PTPRT: variants seen among roughly 807,000 people sequenced by gnomAD.
The protein encoded by PTPRT is receptor-type tyrosine-protein phosphatase T.
Under a neutral mutation model 176.8 loss-of-function variants are expected in PTPRT, and 56 were observed. The observed-to-expected ratio is 0.32, with a 90% CI of 0.26 to 0.40. PTPRT has a LOEUF of 0.40. Ranked by LOEUF, PTPRT falls within the 10% of genes least tolerant of loss-of-function variation. The probability of loss-of-function intolerance (pLI) is 1.00; values close to 1 mark genes in which losing one functional copy is unlikely to be tolerated. For missense variants in PTPRT, 1,540 were observed against 1,908.2 expected (o/e 0.81, Z 3.60); for synonymous variants, 783 against 739.0 (o/e 1.06, Z -0.96).
intron 2 of PTPRT, among the ~76,000 whole-genome samples, chr20:42,857,007 A>C (rs1490859209): frequency 6.6e-6 from 1 of 152,210 alleles, no homozygotes; most frequent in African/African-American, 2.4e-5. Context: ...CTGGGGCTAC[A>C]TGCCCAACAA....
At chr20:43,107,228 G>T (rs1431980908) in intron 1 of PTPRT, among the ~76,000 whole-genome samples, 1 of 152,196 alleles carries the variant, frequency 6.6e-6, no homozygotes, top group East Asian at 1.9e-4. Context: ...AAATAAGGAA[G>T]AAAATAGTCT....
intron 6 of PTPRT, among the ~76,000 whole-genome samples, chr20:42,711,466 C>G (rs2076143705): frequency 6.6e-6 from 1 of 152,104 alleles, no homozygotes; most frequent in South Asian, 2.1e-4. Context: ...ACCTCCACCT[C>G]TCTCTTGCTC....
chr20:42,452,824 C>G (rs370724061), intron 8 of PTPRT, among the ~76,000 whole-genome samples: 1 of 152,068 alleles, frequency 6.6e-6, no homozygotes, highest in African/African-American at 2.4e-5. Context: ...CCATCTTTTT[C>G]TTTTTACACC....
chr20:42,514,711 A>G (rs1250034218), intron 7 of PTPRT, among the ~76,000 whole-genome samples: 1 of 152,262 alleles, frequency 6.6e-6, no homozygotes, highest in Non-Finnish European at 1.5e-5. Flanking sequence ...TTTACCTTTT[A>G]TAAATAAGAC....
At chr20:43,126,709 G>C (rs774796229) in intron 1 of PTPRT, among the ~76,000 whole-genome samples, 6 of 152,134 alleles carry the variant, frequency 3.9e-5, no homozygotes, top group Non-Finnish European at 7.4e-5. Flanking sequence ...TTGTTCTCTT[G>C]AGAATGACAC....
At chr20:42,921,238 A>G (rs1254800327) in intron 1 of PTPRT, among the ~76,000 whole-genome samples, 1 of 152,226 alleles carries the variant, frequency 6.6e-6, no homozygotes, top group Admixed American at 6.5e-5. Context: ...AATTTCTGAA[A>G]TATATGAGTG....
rs117790766 is a variant in PTPRT, at chr20:42,677,455, C to T, written c.1153+411G>A. Among the ~76,000 whole-genome samples, 1,257 of 152,096 alleles carry T rather than the reference C, an allele frequency of 8.3e-3. 12 individuals are homozygous for T. The highest frequency in any genetic ancestry group is 0.015 in the Non-Finnish European group (1,027 of 67,974). ...AGAGCCAGGAACCCTCAGAGAAACA[C>T]GGCCAGGGCCCCCAGAGACAAAACC... On this transcript the variant is annotated intron_variant, in intron 7 of 30. Coordinates refer to ENST00000373187, the MANE Select transcript of PTPRT (RefSeq NM_007050.6).
chr20:42,150,890 C>G (rs1422615258), intron 17 of PTPRT, among the ~76,000 whole-genome samples: 1 of 152,120 alleles, frequency 6.6e-6, no homozygotes, highest in African/African-American at 2.4e-5. Context: ...TCTCCCAAAA[C>G]TAATTTTATA....
At chr20:43,056,457 A>G (rs912963911) in intron 1 of PTPRT, among the ~76,000 whole-genome samples, 36 of 152,230 alleles carry the variant, frequency 2.4e-4, no homozygotes, top group African/African-American at 8.7e-4. Flanking sequence ...ATGGCTGGGT[A>G]CAGGGAAGTT....
At chr20:43,090,519 T>C (rs140424155) in intron 1 of PTPRT, among the ~76,000 whole-genome samples, 4,541 of 152,134 alleles carry the variant, frequency 0.03, 217 homozygotes, top group African/African-American at 0.1. Flanking sequence ...CCACCCGCCT[T>C]GGCCTCCCAA....
rs184129384 is a variant in PTPRT at position 42,829,330 on chromosome 20, T to G, written c.215-37864A>C. The stretch of plus-strand genomic sequence containing the variant: ...GAAGTAACTAATTTACTTTTGATTT[T>G]ACAGGCTCATAGGTGGAAGGGACTC... On this transcript the variant is annotated intron_variant, in intron 2 of 30. Coordinates refer to ENST00000373187, the MANE Select transcript of PTPRT (RefSeq NM_007050.6). Among the ~76,000 whole-genome samples the G allele has an allele frequency of 7.9e-5, 12 of 152,344 alleles. No individual in the cohort carries two copies. In the East Asian group the frequency reaches 2.1e-3, roughly 27 times the overall value.
chr20:42,268,961 CCCCAGGAGGTCATGCA>C (rs2056885044), intron 13 of PTPRT, among the ~76,000 whole-genome samples: 2 of 152,172 alleles, frequency 1.3e-5, no homozygotes, highest in South Asian at 4.1e-4. Flanking sequence ...GGAACCACTT[CCCCAGGAGGTCATGCA>C]TTCCCATGGC....
At chr20:42,477,089 C>T (rs2071303223) in intron 7 of PTPRT, among the ~76,000 whole-genome samples, 1 of 152,212 alleles carries the variant, frequency 6.6e-6, no homozygotes, top group African/African-American at 2.4e-5. Context: ...GTCCACTTCC[C>T]CCAGACATCC....
At chr20:42,735,679 C>T (rs529237339) in intron 6 of PTPRT, among the ~76,000 whole-genome samples, 26 of 152,164 alleles carry the variant, frequency 1.7e-4, no homozygotes, top group African/African-American at 6.3e-4. Context: ...CAGAAGTCTC[C>T]CAAGAATCGC....
chr20:42,345,896 G>T (rs1009244848), intron 11 of PTPRT, among the ~76,000 whole-genome samples: 1 of 152,128 alleles, frequency 6.6e-6, no homozygotes, highest in Non-Finnish European at 1.5e-5. Flanking sequence ...ATTCTGATGA[G>T]CCTTGAATTC....
intron 9 of PTPRT, among the ~76,000 whole-genome samples, chr20:42,381,337 A>G (rs1335239671): frequency 6.6e-6 from 1 of 152,174 alleles, no homozygotes; most frequent in Non-Finnish European, 1.5e-5. Context: ...TTATCCAGGT[A>G]AGTGCTTTAA....
chr20:42,820,049 A>G (rs1403106611), intron 2 of PTPRT, among the ~76,000 whole-genome samples: 1 of 152,238 alleles, frequency 6.6e-6, no homozygotes, highest in African/African-American at 2.4e-5. Flanking sequence ...AGTTGAACTC[A>G]GCTCTGGATC....
chr20:42,568,899 A>G (rs2073094204), intron 7 of PTPRT, among the ~76,000 whole-genome samples: 1 of 149,334 alleles, frequency 6.7e-6, no homozygotes, highest in African/African-American at 2.5e-5. Context: ...AAATACAAAA[A>G]CTCCCCAGGA....
intron 15 of PTPRT, among the ~76,000 whole-genome samples, chr20:42,229,308 G>T (rs778925140): frequency 7.9e-5 from 12 of 152,192 alleles, no homozygotes; most frequent in Non-Finnish European, 1.5e-4. Context: ...GAGCCACACT[G>T]CTAGTAACCA....
Sources: allele counts gnomAD v4.1 joint callset (sites outside exome capture counted in the v4.1 genomes callset), GRCh38; gene constraint gnomAD v4.1.1; transcripts MANE v1.5; gene names NCBI Gene and HGNC (gene_info 2026-07-23, HGNC 2026-07-21).